SOCS5: variants seen among roughly 807,000 people sequenced by gnomAD.
The protein encoded by SOCS5 is suppressor of cytokine signaling 5, also known as CIS-6.
Under a neutral mutation model 42.8 loss-of-function variants are expected in SOCS5, and 32 were observed. That is an observed-to-expected ratio of 0.75 (90% CI 0.56 to 1.01). The LOEUF is 1.01. Among genes scored for constraint, SOCS5 ranks in the 50% least tolerant of loss-of-function variants. The pLI is 0.00. For missense variants in SOCS5, 627 were observed against 653.0 expected (o/e 0.96, Z 0.43); for synonymous variants, 283 against 229.6 (o/e 1.23, Z -2.10).
chr2:46,760,083 A>T lies in SOCS5; in HGVS notation c.1553A>T (p.His518Leu), dbSNP rs775880155. The T allele has an allele frequency of 1.2e-6, 2 of 1,613,996 alleles. No individual in the cohort carries two copies. Among genetic ancestry groups the T allele is most frequent in the South Asian group, 1.1e-5 (1 of 91,066 alleles). ...SMLQDFLKEYHYKQKVRVRWL... is the reference protein window; with the variant it reads ...SMLQDFLKEYLYKQKVRVRWL... ...TTACAGGATTTTTTAAAAGAGTATCATTATAAACAAAAAGTTAGAGTTCGC... is the reference window on the plus strand; with the variant it reads ...TTACAGGATTTTTTAAAAGAGTATCTTTATAAACAAAAAGTTAGAGTTCGC... Residue 518 changes from histidine (H) to leucine (L), a missense_variant, in exon 2 of 2, where the codon CAT becomes CTT. Coordinates refer to ENST00000394861, the MANE Select transcript of SOCS5 (RefSeq NM_144949.3).
intron 1 of SOCS5, among the ~76,000 whole-genome samples, chr2:46,727,769 A>C (rs1029918296): frequency 1.2e-4 from 18 of 152,132 alleles, no homozygotes; most frequent in Non-Finnish European, 5.9e-5. Context: ...TTTATAATCA[A>C]CTTTATGGAT....
intron 1 of SOCS5, among the ~76,000 whole-genome samples, chr2:46,757,731 G>A (rs1673762238): frequency 6.6e-6 from 1 of 152,164 alleles, no homozygotes; most frequent in Non-Finnish European, 1.5e-5. Context: ...GCCGGGCGTG[G>A]TGGTACACGC....
intron 1 of SOCS5, among the ~76,000 whole-genome samples, chr2:46,715,352 A>G (rs1357356011): frequency 4.7e-5 from 7 of 150,216 alleles, no homozygotes; most frequent in Non-Finnish European, 7.4e-5. Flanking sequence ...AGCCTGGGTG[A>G]CAGAGAGTAA....
intron 1 of SOCS5, among the ~76,000 whole-genome samples, chr2:46,730,069 G>C (rs1354091622): frequency 6.6e-6 from 1 of 152,034 alleles, no homozygotes; most frequent in Non-Finnish European, 1.5e-5. Context: ...GAGTTTTTCA[G>C]CTCTGTTATG....
intron 1 of SOCS5, among the ~76,000 whole-genome samples, chr2:46,730,599 C>G (rs1673094241): frequency 6.6e-6 from 1 of 151,940 alleles, no homozygotes; most frequent in Non-Finnish European, 1.5e-5. Context: ...GACTCTGTCT[C>G]AAAAAGATTG....
chr2:46,746,686 G>T (rs951782219), intron 1 of SOCS5, among the ~76,000 whole-genome samples: 1 of 151,494 alleles, frequency 6.6e-6, no homozygotes, highest in Non-Finnish European at 1.5e-5. Flanking sequence ...CTCCTTTAAG[G>T]TTATATATTT....
Position 46,760,940 on chromosome 2 carries a change from CT to C in SOCS5, c.*800del, listed in dbSNP as rs1673854584. 6.0e-6 allele frequency: 1 copy of C among 167,006 alleles called. No homozygotes were observed. Among genetic ancestry groups the C allele is most frequent in the Admixed American group, 6.5e-5 (1 of 15,274 alleles). The allele number at this position is 167,006 out of a possible 1,614,324, so 10.3% of individuals were successfully genotyped here. A position where few individuals can be genotyped will look rare whatever the true frequency, so the allele number is the denominator to read the frequency against. On this transcript the variant is annotated 3_prime_UTR_variant, in exon 2 of 2. Coordinates refer to ENST00000394861, the MANE Select transcript of SOCS5 (RefSeq NM_144949.3). Reference sequence around the variant, plus strand: ...AATTGTTGTTTCATAAAAGTTGGATCTGTTCCTATGCCCAGGATGATTTTGT... The same window carrying C: ...AATTGTTGTTTCATAAAAGTTGGATCGTTCCTATGCCCAGGATGATTTTGT...
At chr2:46,712,336 C>CTTTTTTTTT (rs70940636) in intron 1 of SOCS5, among the ~76,000 whole-genome samples, 9 of 64,954 alleles carry the variant, frequency 1.4e-4, no homozygotes, top group Middle Eastern at 0.023. Flanking sequence ...GGATGTTTAG[C>CTTTTTTTTT]TTTTTTTTTT....
chr2:46,746,604 T>C (rs1027775529), intron 1 of SOCS5, among the ~76,000 whole-genome samples: 7 of 151,650 alleles, frequency 4.6e-5, no homozygotes, highest in Admixed American at 2.6e-4. Context: ...TGAGCCGAGA[T>C]TGCACCACTG....
chr2:46,726,335 A>G (rs914710413), intron 1 of SOCS5, among the ~76,000 whole-genome samples: 7 of 152,030 alleles, frequency 4.6e-5, no homozygotes, highest in Non-Finnish European at 8.8e-5. Flanking sequence ...TAACCTTGTG[A>G]TCCACCCGCC....
At chr2:46,705,526 GATTACCA>G (rs570354030) in intron 1 of SOCS5, among the ~76,000 whole-genome samples, 2,516 of 152,252 alleles carry the variant, frequency 0.017, 81 homozygotes, top group African/African-American at 0.057. Flanking sequence ...TTTTTTCCTA[GATTACCA>G]GACAGGAAAG....
intron 1 of SOCS5, among the ~76,000 whole-genome samples, chr2:46,754,637 T>C (rs1451883419): frequency 2.6e-5 from 4 of 152,138 alleles, no homozygotes; most frequent in Non-Finnish European, 5.9e-5. Flanking sequence ...ATATATCATG[T>C]ACACTGTAAT....
intron 1 of SOCS5, among the ~76,000 whole-genome samples, chr2:46,726,485 C>T (rs184425904): frequency 2.3e-4 from 35 of 152,202 alleles, no homozygotes; most frequent in Admixed American, 1.0e-3. Flanking sequence ...AGTTTTCAGC[C>T]GTTATTTCCT....
In SOCS5 at chr2:46,753,402, G is replaced by T. The variant is rs1220965785; in HGVS notation, c.-12-5117G>T. On this transcript the variant is annotated intron_variant, in intron 1 of 1. Transcript: ENST00000394861. The stretch of plus-strand genomic sequence containing the variant: ...GGCTTATCTGATTCAGTCAGAACCA[G>T]TTGTCTGTAAAGTCTAATAAAGCAA... Among the ~76,000 whole-genome samples the T allele has an allele frequency of 3.9e-5, 6 of 152,262 alleles. No individual in the cohort carries two copies. The East Asian group carries it at 1.2e-3, about 29-fold the overall frequency.
intron 1 of SOCS5, among the ~76,000 whole-genome samples, chr2:46,735,436 A>T (rs1305485372): frequency 6.6e-6 from 1 of 152,168 alleles, no homozygotes; most frequent in Non-Finnish European, 1.5e-5. Flanking sequence ...AAGGAAGGTT[A>T]TATTATTATG....
intron 1 of SOCS5, among the ~76,000 whole-genome samples, chr2:46,752,642 C>T (rs1222701241): frequency 2.6e-5 from 4 of 152,090 alleles, no homozygotes; most frequent in Non-Finnish European, 5.9e-5. Flanking sequence ...TATATTGATA[C>T]AAGTAGCTAT....
Position 46,761,270 on chromosome 2 carries a change from AGT to A in SOCS5, c.*1131_*1132del, listed in dbSNP as rs1414855877. On this transcript the variant is annotated 3_prime_UTR_variant, in exon 2 of 2. Transcript: ENST00000394861. The stretch of plus-strand genomic sequence containing the variant: ...TTAGAATAATATGTACTACTACTTG[AGT>A]GAGCGCTTTTGGAAGTTATATCAAG... 2.4e-5 allele frequency: 4 copies of A among 167,066 alleles called. No individual in the cohort carries two copies. Among genetic ancestry groups the A allele is most frequent in the Non-Finnish European group, 5.9e-5 (4 of 68,124 alleles). The allele number at this position is 167,066 out of a possible 1,614,324, so 10.3% of individuals were successfully genotyped here. A position where few individuals can be genotyped will look rare whatever the true frequency, so the allele number is the denominator to read the frequency against.
At chr2:46,730,910 G>GT (rs1247007444) in intron 1 of SOCS5, among the ~76,000 whole-genome samples, 1 of 152,178 alleles carries the variant, frequency 6.6e-6, no homozygotes, top group Non-Finnish European at 1.5e-5. Context: ...AAACACTTGT[G>GT]TTTAAGTCCG....
intron 1 of SOCS5, among the ~76,000 whole-genome samples, chr2:46,749,258 T>A (rs148809324): frequency 6.6e-6 from 1 of 152,346 alleles, no homozygotes; most frequent in East Asian, 1.9e-4. Flanking sequence ...CCTTACTTTT[T>A]GTTACTGTCA....
Sources: gnomAD v4.1 joint callset for allele counts (sites outside exome capture counted in the v4.1 genomes callset) on GRCh38, gnomAD v4.1.1 for gene constraint, MANE v1.5 for transcripts, NCBI Gene and HGNC (gene_info 2026-07-23, HGNC 2026-07-21) for gene names.